The following SLC39A14 variants were observed in gnomAD, a reference collection of about 807,000 sequenced individuals.
The protein encoded by SLC39A14 is solute carrier family 39 member 14.
Under a neutral mutation model 45.5 loss-of-function variants are expected in SLC39A14, and 19 were observed. The ratio of observed to expected loss-of-function variants is 0.42; its 90% CI spans 0.29 to 0.61. The LOEUF (loss-of-function observed/expected upper bound fraction) is 0.61, where lower values mean the gene tolerates loss of function less well. Ranked by LOEUF, SLC39A14 falls within the 20% of genes least tolerant of loss-of-function variation. SLC39A14 has a pLI of 0.22. For synonymous variants in SLC39A14, 264 were observed against 251.3 expected, an observed-to-expected ratio of 1.05 and a Z score of -0.48; for missense variants, 447 against 616.5, an observed-to-expected ratio of 0.73 and a Z score of 2.91.
chr8:22,425,028 CAAAAA>C (rs71544902), downstream of SLC39A14, among the ~76,000 whole-genome samples: 1 of 74,340 alleles, frequency 1.3e-5, no homozygotes, highest in East Asian at 4.4e-4. Context: ...GACTCCGTCT[CAAAAA>C]AAAAAAAAAA....
chr8:22,415,262 T>C (rs1257581673), intron 5 of SLC39A14: 5 of 231,336 alleles, frequency 2.2e-5, no homozygotes, highest in African/African-American at 9.3e-5. Context: ...AGGACTATTA[T>C]AGTACAGTTT....
At chr8:22,409,639 C>T (rs544371340) in intron 3 of SLC39A14, among the ~76,000 whole-genome samples, 1 of 152,346 alleles carries the variant, frequency 6.6e-6, no homozygotes, top group East Asian at 1.9e-4. Flanking sequence ...TCCTCAGCCT[C>T]CCAAAGTGCT....
intron 1 of SLC39A14, among the ~76,000 whole-genome samples, chr8:22,378,737 C>T (rs1472097768): frequency 6.6e-6 from 1 of 152,216 alleles, no homozygotes; most frequent in Non-Finnish European, 1.5e-5. Flanking sequence ...TCACTTTTGC[C>T]ACATAATGTG....
intron 8 of SLC39A14, among the ~76,000 whole-genome samples, chr8:22,418,376 T>C (rs1303046481): frequency 6.6e-6 from 1 of 152,152 alleles, no homozygotes; most frequent in African/African-American, 2.4e-5. Context: ...ATAATTTATC[T>C]ATGGTCTTTA....
At chr8:22,371,084 A>G (rs1303451063) in intron 1 of SLC39A14, among the ~76,000 whole-genome samples, 1 of 152,184 alleles carries the variant, frequency 6.6e-6, no homozygotes, top group Non-Finnish European at 1.5e-5. Context: ...TGGCAGAGGC[A>G]GAGACGCAGA....
At chr8:22,383,747 G>A (rs953649964) in intron 1 of SLC39A14, among the ~76,000 whole-genome samples, 12 of 152,124 alleles carry the variant, frequency 7.9e-5, no homozygotes, top group Admixed American at 5.2e-4. Context: ...CTGAGGGCGC[G>A]TCCTGTGCCC....
At chr8:22,393,218 A>T (rs1834178554) in intron 1 of SLC39A14, 4 of 985,828 alleles carry the variant, frequency 4.1e-6, no homozygotes, top group Non-Finnish European at 3.6e-6. Flanking sequence ...GAGGAAGATA[A>T]TGCATCCTTT....
chr8:22,373,158 G>T (rs1833026108), intron 1 of SLC39A14, among the ~76,000 whole-genome samples: 1 of 151,768 alleles, frequency 6.6e-6, no homozygotes, highest in African/African-American at 2.4e-5. Flanking sequence ...AGCTACTCTG[G>T]AGGCTGAGGC....
downstream of SLC39A14, among the ~76,000 whole-genome samples, chr8:22,424,109 C>T (rs779984521): frequency 6.6e-6 from 1 of 152,024 alleles, no homozygotes; most frequent in Admixed American, 6.6e-5. Context: ...TTATCTCTTT[C>T]GGAGGCTGTG....
At chr8:22,394,521 G>A (rs531816225) in intron 1 of SLC39A14, among the ~76,000 whole-genome samples, 12 of 151,054 alleles carry the variant, frequency 7.9e-5, no homozygotes, top group South Asian at 2.1e-4. Context: ...GGGTTTCATC[G>A]TGTTAGCCAG....
At chr8:22,371,983 TC>T (rs762760023) in intron 1 of SLC39A14, among the ~76,000 whole-genome samples, 21 of 152,092 alleles carry the variant, frequency 1.4e-4, no homozygotes, top group Non-Finnish European at 2.1e-4. Context: ...GACTTTGTGA[TC>T]CGCCCGCCTC....
chr8:22,376,251 A>T (rs373685221), intron 1 of SLC39A14, among the ~76,000 whole-genome samples: 2 of 150,636 alleles, frequency 1.3e-5, no homozygotes, highest in East Asian at 3.9e-4. Flanking sequence ...GGCTCTCTGC[A>T]GCCTCCACCT....
intron 1 of SLC39A14, among the ~76,000 whole-genome samples, chr8:22,401,263 G>C (rs774959317): frequency 6.6e-6 from 1 of 152,312 alleles, no homozygotes; most frequent in Non-Finnish European, 1.5e-5. Flanking sequence ...CCACTCTGCC[G>C]CTGTTCCTCT....
In SLC39A14 at chr8:22,419,809, C is replaced by G; in HGVS notation, c.*111C>G. On this transcript the variant is annotated 3_prime_UTR_variant, in exon 9 of 9. Transcript: ENST00000381237. ...ACGGAAGAGGCCGTTCTATGAAAAA[C>G]TGACACAGACTGTATTCCTGCATTC... The G allele has an allele frequency of 1.2e-5, 18 of 1,443,684 alleles. No individual in the cohort carries two copies. Among genetic ancestry groups the G allele is most frequent in the Non-Finnish European group, 1.6e-5 (18 of 1,101,604 alleles). 89.4% of individuals were successfully genotyped at this position (1,443,684 alleles called of 1,614,324 possible).
At chr8:22,371,473 GC>G (rs1832933866) in intron 1 of SLC39A14, among the ~76,000 whole-genome samples, 1 of 133,228 alleles carries the variant, frequency 7.5e-6, no homozygotes, top group African/African-American at 2.6e-5. Flanking sequence ...TCGCTCTGTC[GC>G]CCAGGCTGGA....
At chr8:22,408,972 C>A (rs567102615) in intron 3 of SLC39A14, among the ~76,000 whole-genome samples, 1 of 152,012 alleles carries the variant, frequency 6.6e-6, no homozygotes, top group African/African-American at 2.4e-5. Context: ...AGGCGTGCAC[C>A]GCCATGCCCA....
intron 8 of SLC39A14, among the ~76,000 whole-genome samples, chr8:22,430,917 C>T (rs1294266067): frequency 6.6e-6 from 1 of 151,982 alleles, no homozygotes; most frequent in African/African-American, 2.4e-5. Context: ...AAGTAATCCG[C>T]CCATCTCGGC....
chr8:22,398,015 G>A (rs944020430), intron 1 of SLC39A14, among the ~76,000 whole-genome samples: 4 of 152,206 alleles, frequency 2.6e-5, no homozygotes. Flanking sequence ...GAATATGTGA[G>A]AACCAGACGG....
chr8:22,429,668 C>T (rs965128958), intron 8 of SLC39A14, among the ~76,000 whole-genome samples: 2 of 152,206 alleles, frequency 1.3e-5, no homozygotes, highest in Admixed American at 1.3e-4. Flanking sequence ...TCTCCTGAAG[C>T]CCCTGTGCCC....
Sources: gnomAD v4.1 joint callset for allele counts (sites outside exome capture counted in the v4.1 genomes callset) on GRCh38, gnomAD v4.1.1 for gene constraint, MANE v1.5 for transcripts, NCBI Gene and HGNC (gene_info 2026-07-23, HGNC 2026-07-21) for gene names.